Variants in ZNF92 observed in about 807,000 individuals in gnomAD.
The protein encoded by ZNF92 is zinc finger protein 92, also known as epididymis luminal protein 203.
Under a neutral mutation model 12.4 loss-of-function variants are expected in ZNF92, and 11 were observed. That is an observed-to-expected ratio of 0.89 (90% CI 0.56 to 1.47). ZNF92 has a LOEUF of 1.47. ZNF92 is among the 40% of genes most tolerant of loss of function. The probability of loss-of-function intolerance (pLI) is 0.00; values close to 1 mark genes in which losing one functional copy is unlikely to be tolerated. For missense variants in ZNF92, 622 were observed against 681.0 expected (o/e 0.91, Z 0.96); for synonymous variants, 206 against 228.6 (o/e 0.90, Z 0.89).
At chr7:65,395,751 C>T (rs966252056) in intron 3 of ZNF92, among the ~76,000 whole-genome samples, 2 of 152,082 alleles carry the variant, frequency 1.3e-5, no homozygotes, top group African/African-American at 2.4e-5. Context: ...TTATCTCATG[C>T]TGGTACTTGA....
At chr7:65,381,773 A>G (rs938817785) in intron 1 of ZNF92, among the ~76,000 whole-genome samples, 2 of 152,118 alleles carry the variant, frequency 1.3e-5, no homozygotes, top group African/African-American at 4.8e-5. Flanking sequence ...TTATTACAAC[A>G]CCATTTATTA....
rs1228699738 is a variant in ZNF92, at chr7:65,387,957, G to GCCTGGA, written c.61_66dup (p.Leu21_Asp22dup). The GCCTGGA allele has an allele frequency of 6.2e-7, 1 of 1,608,358 alleles. No individual in the cohort carries two copies. On this transcript the variant is annotated inframe_insertion, in exon 2 of 4. Coordinates refer to ENST00000328747, the MANE Select transcript of ZNF92 (RefSeq NM_152626.4). ...GAATTCTCTCTAGAGGAATGGCAAT[G>GCCTGGA]CCTGGACACTGCGCAGCGGAATTTA...
In ZNF92 at chr7:65,387,935, T is replaced by C. The variant is rs770955643; in HGVS notation, c.37T>C (p.Phe13Leu). 4 of 1,607,598 alleles carry C rather than the reference T, an allele frequency of 2.5e-6. No individual in the cohort carries two copies. The highest frequency in any genetic ancestry group is 1.7e-5 in the Admixed American group (1 of 58,876). Reference sequence around the variant, plus strand: ...GACATTTAGGGATGTGAAAATAGAATTCTCTCTAGAGGAATGGCAATGCCT... The same window carrying C: ...GACATTTAGGGATGTGAAAATAGAACTCTCTCTAGAGGAATGGCAATGCCT... ...PLTFRDVKIE[F>L]SLEEWQCLDT... The change falls in exon 2 of 4, where the codon TTC (phenylalanine) becomes CTC (leucine). Residue 13 changes from phenylalanine to leucine, a missense_variant. Transcript: ENST00000328747.
intron 1 of ZNF92, among the ~76,000 whole-genome samples, 156 bp from the exon 2 acceptor site, chr7:65,387,746 G>A (rs1388068949): frequency 6.6e-6 from 1 of 152,078 alleles, no homozygotes; most frequent in Middle Eastern, 3.2e-3. Context: ...AAATATTTCT[G>A]TATTGAAAAT....
intron 3 of ZNF92, among the ~76,000 whole-genome samples, chr7:65,396,265 T>C (rs550358769): frequency 3.0e-4 from 46 of 152,104 alleles, no homozygotes; most frequent in Non-Finnish European, 4.3e-4. Context: ...TTCATTGTTA[T>C]TGTTTCTTGT....
intron 1 of ZNF92, among the ~76,000 whole-genome samples, chr7:65,375,492 G>C (rs1299326564): frequency 2.0e-5 from 3 of 151,966 alleles, no homozygotes; most frequent in African/African-American, 7.3e-5. Context: ...ACTCAACCCA[G>C]CTTTCATTTC....
At position 65,398,849 on chromosome 7, in the gene ZNF92, T is replaced by G. The variant is rs773895167; in HGVS notation, c.735T>G (p.Thr245=). Residue 245 remains threonine (T), a synonymous_variant, in exon 4 of 4, where the codon ACT becomes ACG. Transcript: ENST00000328747. ...CTTTTAACCGGTCCTCAAATCTTAC[T>G]AAACATAAAATAATTCATACTGGAG... ...GKAFNRSSNL[T]KHKIIHTGEK... The G allele has an allele frequency of 6.2e-7, 1 of 1,612,818 alleles. No individual in the cohort carries two copies. Among genetic ancestry groups the G allele is most frequent in the Admixed American group, 1.7e-5 (1 of 59,962 alleles).
chr7:65,387,121 A>G (rs920709857), intron 1 of ZNF92, among the ~76,000 whole-genome samples: 4 of 151,420 alleles, frequency 2.6e-5, no homozygotes, highest in Non-Finnish European at 5.9e-5. Context: ...TTGTATTTTT[A>G]GTAGAAATGG....
rs1562798565 is a variant in ZNF92 at position 65,398,714 on chromosome 7, T to C, written c.600T>C (p.Ser200=). 2 of 1,611,988 alleles carry C rather than the reference T, an allele frequency of 1.2e-6. No individual in the cohort carries two copies. The highest frequency in any genetic ancestry group is 2.2e-5 in the South Asian group (2 of 90,728). The change falls in exon 4 of 4, where the codon TCT becomes TCC. Residue 200 remains serine, a synonymous_variant. Coordinates refer to ENST00000328747, the MANE Select transcript of ZNF92 (RefSeq NM_152626.4). ...AGAAAATTCATACTAGAGAGTATTC[T>C]TACAAATGTGAAGAATGTGGTAAAG... ...QHKKIHTREY[S]YKCEECGKAF... is the part of the protein sequence containing the mutation.
At chr7:65,380,896 CTGGTGTG>C (rs1306065014) in intron 1 of ZNF92, among the ~76,000 whole-genome samples, 14 of 152,046 alleles carry the variant, frequency 9.2e-5, no homozygotes, top group Non-Finnish European at 4.4e-5. Flanking sequence ...GCCATTCTTA[CTGGTGTG>C]AGATGGTATC....
chr7:65,392,980 G>T (rs1187137052), intron 3 of ZNF92, among the ~76,000 whole-genome samples: 2 of 152,072 alleles, frequency 1.3e-5, no homozygotes. Context: ...CTTAAGCCTG[G>T]AAGTTTGAGG....
intron 1 of ZNF92, among the ~76,000 whole-genome samples, chr7:65,376,427 G>T (rs1007556483): frequency 7.2e-5 from 11 of 151,866 alleles, no homozygotes; most frequent in African/African-American, 2.7e-4. Context: ...TTCCCAGAAT[G>T]AGTTTAGGAA....
At chr7:65,381,497 G>T (rs1471149680) in intron 1 of ZNF92, among the ~76,000 whole-genome samples, 1 of 151,670 alleles carries the variant, frequency 6.6e-6, no homozygotes, top group Non-Finnish European at 1.5e-5. Context: ...GTTTCTTGTG[G>T]GTTTTGTTTT....
intron 2 of ZNF92, 28 bp from the exon 3 acceptor site, chr7:65,388,776 GAT>G: frequency 6.5e-7 from 1 of 1,541,780 alleles, no homozygotes; most frequent in Non-Finnish European, 8.8e-7. Context: ...ATATGAGCAA[GAT>G]TTATGTTATT....
In ZNF92 at chr7:65,400,287, G is replaced by C. The variant is rs949326432; in HGVS notation, c.*412G>C. ...TTGTAGTACCTTTAGTTTTATGATA[G>C]ATCTTATTGTACACATTTTGTACCA... On this transcript the variant is annotated 3_prime_UTR_variant, in exon 4 of 4. Coordinates refer to ENST00000328747, the MANE Select transcript of ZNF92 (RefSeq NM_152626.4). The C allele has an allele frequency of 1.3e-5, 2 of 155,484 alleles. No homozygotes were observed. Among genetic ancestry groups the C allele is most frequent in the African/African-American group, 4.8e-5 (2 of 41,388 alleles). 9.6% of individuals were successfully genotyped at this position (155,484 alleles called of 1,614,324 possible).
intron 3 of ZNF92, among the ~76,000 whole-genome samples, chr7:65,389,412 A>G (rs564223028): frequency 2.5e-4 from 38 of 152,268 alleles, no homozygotes; most frequent in African/African-American, 8.9e-4. Context: ...AGTGAGAGCC[A>G]AAGTCCTTTT....
chr7:65,388,964 A>G, intron 3 of ZNF92, 63 bp downstream of exon 3: 3 of 1,391,412 alleles, frequency 2.2e-6, no homozygotes, highest in Non-Finnish European at 2.9e-6. Context: ...GGAGAAGGCC[A>G]GTCATTTTTT....
At chr7:65,375,236 C>T (rs143805499) in intron 1 of ZNF92, among the ~76,000 whole-genome samples, 106 of 152,164 alleles carry the variant, frequency 7.0e-4, no homozygotes, top group Non-Finnish European at 1.2e-3. Context: ...GATGTGTTCT[C>T]AGCCACCCTT....
intron 2 of ZNF92, chr7:65,388,306 C>A: frequency 4.7e-6 from 1 of 213,202 alleles, no homozygotes; most frequent in Non-Finnish European, 8.3e-6. Flanking sequence ...ACCAATTTTT[C>A]ATTTAGTAGT....
Sources: gnomAD v4.1 joint callset for allele counts (sites outside exome capture counted in the v4.1 genomes callset) on GRCh38, gnomAD v4.1.1 for gene constraint, MANE v1.5 for transcripts, NCBI Gene and HGNC (gene_info 2026-07-23, HGNC 2026-07-21) for gene names.